EVI5: variants seen among roughly 807,000 people sequenced by gnomAD.
EVI5 encodes ecotropic viral integration site 5.
In EVI5, 73 loss-of-function variants were observed where a neutral mutation model predicts 112.0. The observed-to-expected ratio is 0.65, with a 90% CI of 0.54 to 0.79. The LOEUF (loss-of-function observed/expected upper bound fraction) is 0.79. EVI5 is among the 30% of genes least tolerant of loss of function. EVI5 has a pLI of 0.00. For missense variants in EVI5, 900 were observed against 968.8 expected (o/e 0.93, Z 0.94); for synonymous variants, 305 against 319.9 (o/e 0.95, Z 0.50).
intron 1 of EVI5, among the ~76,000 whole-genome samples, chr1:92,779,424 G>A (rs1379214630): frequency 3.3e-5 from 5 of 151,978 alleles, no homozygotes; most frequent in Admixed American, 3.3e-4. Flanking sequence ...TTGGAGGGCC[G>A]AGACGGGGAA....
chr1:92,624,436 T>C, intron 15 of EVI5, 102 bp from the exon 16 acceptor site: 2 of 851,078 alleles, frequency 2.3e-6, no homozygotes, highest in South Asian at 1.6e-5. Context: ...TAAAACACTT[T>C]CCACACATTA....
At chr1:92,525,229 G>T (rs1047932640) in intron 19 of EVI5, among the ~76,000 whole-genome samples, 2 of 147,772 alleles carry the variant, frequency 1.4e-5, no homozygotes, top group Non-Finnish European at 1.5e-5. Flanking sequence ...GTTATAATAA[G>T]ATATGAGTCA....
At chr1:92,712,424 T>C (rs552183970) in intron 2 of EVI5, among the ~76,000 whole-genome samples, 2 of 152,224 alleles carry the variant, frequency 1.3e-5, no homozygotes, top group South Asian at 2.1e-4. Context: ...AAACTAATAG[T>C]ATGGAGATTA....
In EVI5 at chr1:92,704,648, G is replaced by C; in HGVS notation, c.246C>G (p.Asn82Lys). The C allele has an allele frequency of 6.2e-7, 1 of 1,604,740 alleles. No individual in the cohort carries two copies. Among genetic ancestry groups the C allele is most frequent in the Non-Finnish European group, 8.5e-7 (1 of 1,173,826 alleles). The stretch of plus-strand genomic sequence containing the variant: ...AAGAATCTTCTTCAAGGTGACTGAG[G>C]TTGCTAGAGGCTGATGAACTCGACA... ...SLVSSSSASS[N>K]LSHLEEDSWI... The change falls in exon 3 of 20, where the codon AAC (asparagine) becomes AAG (lysine). Residue 82 changes from asparagine to lysine, a missense_variant. Coordinates refer to ENST00000684568, the MANE Select transcript of EVI5 (RefSeq NM_001350197.2).
rs1164003126 is a variant in EVI5, at chr1:92,693,797, C to A, written c.1097+5G>T. On this transcript the variant is annotated splice_donor_5th_base_variant and intron_variant, in intron 9 of 19. Transcript: ENST00000684568. ...GAATTTCCAACAAAAATATAAAATA[C>A]TTACTTTTTCATTTTTTTTGAATTG... 1.3e-6 allele frequency: 2 copies of A among 1,493,960 alleles called. No individual in the cohort carries two copies. Among genetic ancestry groups the A allele is most frequent in the Non-Finnish European group, 1.9e-6 (2 of 1,078,884 alleles). The allele number at this position is 1,493,960 out of a possible 1,614,324, so 92.5% of individuals were successfully genotyped here.
intron 19 of EVI5, among the ~76,000 whole-genome samples, chr1:92,555,752 A>C (rs892116994): frequency 6.7e-6 from 1 of 150,352 alleles, no homozygotes; most frequent in Non-Finnish European, 1.5e-5. Context: ...TAGGAGGCTG[A>C]GGCAGGAGAA....
chr1:92,767,201 G>A (rs1230602685), intron 1 of EVI5, among the ~76,000 whole-genome samples: 2 of 151,642 alleles, frequency 1.3e-5, no homozygotes, highest in African/African-American at 2.4e-5. Context: ...TATGCTATCC[G>A]CCTGTTAGTT....
intron 19 of EVI5, among the ~76,000 whole-genome samples, chr1:92,558,699 C>G (rs757976733): frequency 6.6e-6 from 1 of 151,942 alleles, no homozygotes; most frequent in Non-Finnish European, 1.5e-5. Flanking sequence ...ATAAAATTTT[C>G]TGTATGAAAC....
chr1:92,647,288 TA>T, intron 13 of EVI5: 1 of 199,534 alleles, frequency 5.0e-6, no homozygotes, highest in East Asian at 1.3e-4. Flanking sequence ...GCTACATCTC[TA>T]ATAAAGATGC....
At chr1:92,609,731 A>AC (rs761583773) in intron 16 of EVI5, among the ~76,000 whole-genome samples, 1 of 151,770 alleles carries the variant, frequency 6.6e-6, no homozygotes, top group Non-Finnish European at 1.5e-5. Flanking sequence ...TATGAAAAAG[A>AC]CCCCCCTCCA....
At chr1:92,647,493 T>C (rs1572094199) in intron 13 of EVI5, 2 of 479,718 alleles carry the variant, frequency 4.2e-6, no homozygotes, top group Non-Finnish European at 7.8e-6. Context: ...TGCCAGACAC[T>C]GTCTTCCACC....
intron 18 of EVI5, among the ~76,000 whole-genome samples, chr1:92,594,199 T>C (rs1419738299): frequency 2.6e-5 from 4 of 152,180 alleles, no homozygotes; most frequent in African/African-American, 4.8e-5. Flanking sequence ...AACAGCATGG[T>C]ACTGGTACCA....
At chr1:92,777,795 T>C (rs1684346775) in intron 1 of EVI5, among the ~76,000 whole-genome samples, 1 of 152,162 alleles carries the variant, frequency 6.6e-6, no homozygotes, top group Admixed American at 6.6e-5. Flanking sequence ...GTTATTGTTG[T>C]TTGTTCTGTT....
At chr1:92,610,245 T>G (rs1651448465) in intron 16 of EVI5, among the ~76,000 whole-genome samples, 2 of 152,204 alleles carry the variant, frequency 1.3e-5, no homozygotes, top group Admixed American at 1.3e-4. Flanking sequence ...AACTTCTTAG[T>G]GCCGTATTCA....
chr1:92,787,758 GAGAA>G (rs1232272307), upstream of EVI5, among the ~76,000 whole-genome samples: 1 of 151,586 alleles, frequency 6.6e-6, no homozygotes, highest in Non-Finnish European at 1.5e-5. Flanking sequence ...AAAAAAGAGA[GAGAA>G]AGAGAGAGGA....
chr1:92,637,142 C>A (rs1011254927), intron 13 of EVI5, among the ~76,000 whole-genome samples: 1 of 152,122 alleles, frequency 6.6e-6, no homozygotes, highest in Non-Finnish European at 1.5e-5. Flanking sequence ...CTTTGGGAGG[C>A]CGAGGCGGGT....
At chr1:92,614,188 C>T (rs528954749) in intron 16 of EVI5, among the ~76,000 whole-genome samples, 3 of 152,274 alleles carry the variant, frequency 2.0e-5, no homozygotes, top group Non-Finnish European at 2.9e-5. Flanking sequence ...GAATCTCCCA[C>T]TTTAAAGGCC....
upstream of EVI5, among the ~76,000 whole-genome samples, chr1:92,785,574 C>G (rs1481429644): frequency 6.6e-6 from 1 of 152,210 alleles, no homozygotes; most frequent in Non-Finnish European, 1.5e-5. Context: ...TACTCTTACA[C>G]GTGTCTTCGC....
intron 19 of EVI5, 44 bp downstream of exon 19, chr1:92,563,598 G>C: frequency 1.0e-6 from 1 of 972,432 alleles, no homozygotes. Flanking sequence ...ACAATACAGA[G>C]GAAGGAAGAA....
Sources: gnomAD v4.1 joint callset for allele counts (sites outside exome capture counted in the v4.1 genomes callset) on GRCh38, gnomAD v4.1.1 for gene constraint, MANE v1.5 for transcripts, NCBI Gene and HGNC (gene_info 2026-07-23, HGNC 2026-07-21) for gene names.